METTL8: variants seen among roughly 807,000 people sequenced by gnomAD.
METTL8 encodes the protein methyltransferase 8, tRNA N3-cytidine, also known as tRNA N(3)-cytidine methyltransferase METTL8, mitochondrial.
METTL8 carries 32 observed loss-of-function variants against 48.7 expected under a neutral mutation model. That is an observed-to-expected ratio of 0.66 (90% confidence interval 0.50 to 0.88). METTL8 has a LOEUF of 0.88. Ranked by LOEUF, METTL8 falls within the 40% of genes least tolerant of loss-of-function variation. The probability of loss-of-function intolerance (pLI) is 0.00; values close to 1 mark genes in which losing one functional copy is unlikely to be tolerated. For synonymous variants in METTL8, 136 were observed against 157.1 expected, an observed-to-expected ratio of 0.87 and a Z score of 1.01; for missense variants, 464 against 474.4, an observed-to-expected ratio of 0.98 and a Z score of 0.20.
At chr2:171,419,146 G>A (rs1691629052) in intron 1 of METTL8, among the ~76,000 whole-genome samples, 1 of 151,774 alleles carries the variant, frequency 6.6e-6, no homozygotes, top group Admixed American at 6.6e-5. Context: ...CCTTGATCTA[G>A]TCCTAGAAAC....
At chr2:171,383,412 A>C (rs1424975733) in intron 2 of METTL8, among the ~76,000 whole-genome samples, 1 of 152,164 alleles carries the variant, frequency 6.6e-6, no homozygotes, top group African/African-American at 2.4e-5. Context: ...GCAACCCTTG[A>C]ATAAAGAAAT....
chr2:171,414,452 C>T (rs913294453), intron 1 of METTL8, among the ~76,000 whole-genome samples: 5 of 151,514 alleles, frequency 3.3e-5, no homozygotes, highest in Non-Finnish European at 7.4e-5. Flanking sequence ...AAAGGCTGGC[C>T]CCAGTAGCTC....
intron 1 of METTL8, among the ~76,000 whole-genome samples, chr2:171,428,583 G>A (rs542646355): frequency 6.6e-6 from 1 of 151,978 alleles, no homozygotes; most frequent in Non-Finnish European, 1.5e-5. Context: ...ACATACATAT[G>A]CATTAACCAC....
In METTL8 at chr2:171,320,010, T is replaced by C. The variant is rs578234749; in HGVS notation, c.*4162A>G. ...CCAACTGGTCCTAGCTTTATGGATG[T>C]GAGGGGTAAATTAGAATTTCATGCA... On this transcript the variant is annotated 3_prime_UTR_variant, in exon 10 of 10. Transcript: ENST00000375258. 4 of 152,232 alleles carry C rather than the reference T, an allele frequency of 2.6e-5. No individual in the cohort carries two copies. The highest frequency in any genetic ancestry group is 9.6e-5 in the African/African-American group (4 of 41,536). 9.4% of individuals were successfully genotyped at this position (152,232 alleles called of 1,614,324 possible).
At chr2:171,408,541 C>T (rs1216782724) in intron 1 of METTL8, among the ~76,000 whole-genome samples, 1 of 152,156 alleles carries the variant, frequency 6.6e-6, no homozygotes, top group African/African-American at 2.4e-5. Context: ...ATCCACCCAC[C>T]TCGGCCTCCC....
intron 2 of METTL8, among the ~76,000 whole-genome samples, chr2:171,388,665 C>T (rs1056071964): frequency 6.6e-6 from 1 of 152,158 alleles, no homozygotes; most frequent in Non-Finnish European, 1.5e-5. Context: ...TGCTTGATCA[C>T]ACTTCACAGC....
chr2:171,369,217 AATGGC>A (rs1386656671), intron 2 of METTL8, among the ~76,000 whole-genome samples: 2 of 152,194 alleles, frequency 1.3e-5, no homozygotes, highest in African/African-American at 4.8e-5. Context: ...GAGGCAAGAG[AATGGC>A]ATGAACCCGG....
chr2:171,420,290 T>C (rs1691742202), intron 1 of METTL8, among the ~76,000 whole-genome samples: 1 of 152,226 alleles, frequency 6.6e-6, no homozygotes, highest in Non-Finnish European at 1.5e-5. Flanking sequence ...AGCTTTTGAC[T>C]CCTGGTATGA....
intron 3 of METTL8, among the ~76,000 whole-genome samples, chr2:171,350,937 T>A (rs2105447119): frequency 6.6e-6 from 1 of 152,354 alleles, no homozygotes; most frequent in Admixed American, 6.5e-5. Context: ...GATGGTAGTT[T>A]CTTTTGCTGT....
At chr2:171,424,288 CCA>C (rs895080100) in intron 1 of METTL8, among the ~76,000 whole-genome samples, 104 of 152,188 alleles carry the variant, frequency 6.8e-4, no homozygotes, top group African/African-American at 2.4e-3. Flanking sequence ...ATTGGAGCCC[CCA>C]CACAGAGTCC....
rs1430520803 is a variant in METTL8, at chr2:171,318,631, G to A, written c.*5541C>T. On this transcript the variant is annotated 3_prime_UTR_variant, in exon 10 of 10. Transcript: ENST00000375258. ...GCTTTTTGCTTTGTCATTCCTCTCAGTTCCTTTCCTTCTCTTCTTTTCCAA... is the reference window on the plus strand; with the variant it reads ...GCTTTTTGCTTTGTCATTCCTCTCAATTCCTTTCCTTCTCTTCTTTTCCAA... The A allele has an allele frequency of 2.0e-5, 3 of 152,202 alleles. No homozygotes were observed. The highest frequency in any genetic ancestry group is 4.4e-5 in the Non-Finnish European group (3 of 68,056). 9.4% of individuals were successfully genotyped at this position (152,202 alleles called of 1,614,324 possible). A position where few individuals can be genotyped will look rare whatever the true frequency, so the allele number is the denominator to read the frequency against.
In METTL8 at chr2:171,372,479, T is replaced by TTTATTA. The variant is rs376069568; in HGVS notation, c.144-11972_144-11967dup. 9.3e-5 allele frequency among the ~76,000 whole-genome samples: 14 copies of TTTATTA among 151,148 alleles called. No homozygotes were observed. The South Asian group carries it at 1.3e-3, about 14-fold the overall frequency. ...TGTAACACAGGTACAATAATTTCTTTTTATTATTATTATTATTATTATACT... is the reference window on the plus strand; with the variant it reads ...TGTAACACAGGTACAATAATTTCTTTTTATTATTATTATTATTATTATTATTATACT... On this transcript the variant is annotated intron_variant, in intron 2 of 9. Coordinates refer to ENST00000375258, the MANE Select transcript of METTL8 (RefSeq NM_001321154.2).
At chr2:171,336,037 A>G (rs1686048076) in intron 5 of METTL8, among the ~76,000 whole-genome samples, 1 of 152,132 alleles carries the variant, frequency 6.6e-6, no homozygotes, top group Non-Finnish European at 1.5e-5. Flanking sequence ...TAAAAGACAC[A>G]GGTGAAATGG....
chr2:171,375,291 G>C (rs1686844182), intron 2 of METTL8: 1 of 822,702 alleles, frequency 1.2e-6, no homozygotes, highest in Non-Finnish European at 2.1e-6. Context: ...TGGAGGCACG[G>C]ACCAGAGATA....
At chr2:171,364,622 G>A (rs1423429223) in intron 2 of METTL8, among the ~76,000 whole-genome samples, 2 of 152,008 alleles carry the variant, frequency 1.3e-5, no homozygotes, top group Non-Finnish European at 2.9e-5. Flanking sequence ...GCTTTTAGTT[G>A]ATGGCAATGT....
intron 3 of METTL8, among the ~76,000 whole-genome samples, chr2:171,355,631 C>T (rs1026773256): frequency 1.7e-4 from 26 of 151,600 alleles, no homozygotes; most frequent in Non-Finnish European, 2.8e-4. Flanking sequence ...TCGAGCTTCC[C>T]GGCCGCTTTG....
rs1559052759 is a variant in METTL8, at chr2:171,331,796, T to C, written c.720+8A>G. ...CATCAGTTGGTATGATTCCCAGGAG[T>C]AGCATACCTTTACGAGCTCCACAGC... is the stretch of plus-strand genomic sequence containing the variant. On this transcript the variant is annotated splice_region_variant and intron_variant, in intron 6 of 9. Coordinates refer to ENST00000375258, the MANE Select transcript of METTL8 (RefSeq NM_001321154.2). 3.1e-6 allele frequency: 5 copies of C among 1,594,372 alleles called. No individual in the cohort carries two copies. Among genetic ancestry groups the C allele is most frequent in the Non-Finnish European group, 4.3e-6 (5 of 1,166,964 alleles).
At chr2:171,424,064 C>A (rs1015872064) in intron 1 of METTL8, among the ~76,000 whole-genome samples, 2 of 152,232 alleles carry the variant, frequency 1.3e-5, no homozygotes, top group Non-Finnish European at 2.9e-5. Context: ...ACAGCACAGG[C>A]CATGGCTTCA....
intron 2 of METTL8, among the ~76,000 whole-genome samples, chr2:171,389,093 T>C (rs1448230284): frequency 6.6e-6 from 1 of 152,142 alleles, no homozygotes; most frequent in African/African-American, 2.4e-5. Context: ...ATATATCTCA[T>C]TTTAAATCAA....
Sources: gnomAD v4.1 joint callset for allele counts (sites outside exome capture counted in the v4.1 genomes callset) on GRCh38, gnomAD v4.1.1 for gene constraint, MANE v1.5 for transcripts, NCBI Gene and HGNC (gene_info 2026-07-23, HGNC 2026-07-21) for gene names.